The following EYA1 variants were observed in gnomAD, a reference collection of about 807,000 sequenced individuals.
The protein encoded by EYA1 is EYA transcriptional coactivator and phosphatase 1.
Under a neutral mutation model 82.0 loss-of-function variants are expected in EYA1, and 16 were observed. The observed-to-expected ratio is 0.20, with a 90% confidence interval of 0.13 to 0.30. The LOEUF is 0.30. Among genes scored for constraint, EYA1 ranks in the 10% least tolerant of loss-of-function variants. The pLI is 1.00. For synonymous variants in EYA1, 261 were observed against 264.4 expected (o/e 0.99, Z 0.12); for missense variants, 633 against 730.7 (o/e 0.87, Z 1.54).
intron 2 of EYA1, among the ~76,000 whole-genome samples, chr8:71,390,403 C>T (rs1829211335): frequency 6.6e-6 from 1 of 151,864 alleles, no homozygotes; most frequent in South Asian, 2.1e-4. Context: ...ACTGTGACTA[C>T]AGGTATGTAC....
intron 2 of EYA1, among the ~76,000 whole-genome samples, chr8:71,409,922 A>G (rs1252237944): frequency 1.5e-5 from 2 of 136,052 alleles, no homozygotes; most frequent in Non-Finnish European, 3.2e-5. Context: ...ACACAACCAA[A>G]AAAGAGAATT....
intron 2 of EYA1, among the ~76,000 whole-genome samples, chr8:71,524,829 A>G (rs913534341): frequency 2.6e-5 from 4 of 152,210 alleles, no homozygotes; most frequent in African/African-American, 9.7e-5. Context: ...AAACCAATTA[A>G]ATAAAATCAG....
chr8:71,448,025 T>TTTTTTTTTTTTTTTTTGTAACGGAG (rs935912194), intron 2 of EYA1, among the ~76,000 whole-genome samples: 2 of 116,740 alleles, frequency 1.7e-5, no homozygotes, highest in East Asian at 3.4e-4. Context: ...TTTTTTTTTT[T>TTTTTTTTTTTTTTTTTGTAACGGAG]TCTCGCTCCG....
intron 2 of EYA1, among the ~76,000 whole-genome samples, chr8:71,492,011 T>C (rs1811032452): frequency 6.6e-6 from 1 of 152,134 alleles, no homozygotes; most frequent in African/African-American, 2.4e-5. Flanking sequence ...TTTATTTCAC[T>C]CTAGATGGCA....
intron 2 of EYA1, among the ~76,000 whole-genome samples, chr8:71,463,921 A>G (rs1471754822): frequency 1.3e-5 from 2 of 152,034 alleles, no homozygotes; most frequent in Admixed American, 6.6e-5. Flanking sequence ...CTTTAGTGTA[A>G]AAAACATTCC....
At chr8:71,504,840 C>T (rs150566942) in intron 2 of EYA1, among the ~76,000 whole-genome samples, 1 of 152,224 alleles carries the variant, frequency 6.6e-6, no homozygotes, top group African/African-American at 2.4e-5. Flanking sequence ...CTCCCTCTGC[C>T]CCCTAGGCTA....
intron 2 of EYA1, among the ~76,000 whole-genome samples, chr8:71,433,937 A>G (rs1805813122): frequency 6.6e-6 from 1 of 152,218 alleles, no homozygotes; most frequent in Non-Finnish European, 1.5e-5. Context: ...GGCAGTTAAG[A>G]GGCTACTTCA....
chr8:71,333,809 C>T (rs1001645597), intron 4 of EYA1, among the ~76,000 whole-genome samples: 2 of 152,096 alleles, frequency 1.3e-5, no homozygotes, highest in African/African-American at 2.4e-5. Flanking sequence ...GAGGAGTCAC[C>T]AGCACAGTAA....
chr8:71,410,852 C>T (rs1830552631), intron 2 of EYA1, among the ~76,000 whole-genome samples: 1 of 118,486 alleles, frequency 8.4e-6, no homozygotes, highest in East Asian at 2.6e-4. Context: ...CTACCAATGA[C>T]TTTCTTCACA....
upstream of EYA1, among the ~76,000 whole-genome samples, chr8:71,364,965 T>C (rs1047023096): frequency 7.6e-6 from 1 of 131,568 alleles, no homozygotes; most frequent in Non-Finnish European, 1.6e-5. Context: ...TATATATATA[T>C]ATATATATAT....
In EYA1 at chr8:71,211,184, C is replaced by G. The variant is rs766423472; in HGVS notation, c.1670G>C (p.Gly557Ala). Reference protein sequence around the residue: ...RKVVYVVIGDGVEEEQGAKKH... With the variant: ...RKVVYVVIGDAVEEEQGAKKH... ...TTTTGCTCCTTGTTCTTCTTCTACA[C>G]CATCTCCTATAACAACATACACCAC... The change falls in exon 17 of 18, where the codon GGT becomes GCT. Residue 557 changes from glycine (G) to alanine (A), a missense_variant. Coordinates refer to ENST00000340726, the MANE Select transcript of EYA1 (RefSeq NM_000503.6). The G allele has an allele frequency of 1.9e-5, 30 of 1,612,914 alleles. No individual in the cohort carries two copies. The highest frequency in any genetic ancestry group is 2.4e-5 in the Non-Finnish European group (28 of 1,179,088).
chr8:71,535,235 C>T (rs1814624200), intron 2 of EYA1, among the ~76,000 whole-genome samples: 2 of 152,164 alleles, frequency 1.3e-5, no homozygotes, highest in African/African-American at 4.8e-5. Flanking sequence ...TTCTCTTCTG[C>T]TCACAAATCA....
intron 2 of EYA1, among the ~76,000 whole-genome samples, chr8:71,451,625 C>T (rs1272873051): frequency 2.0e-5 from 3 of 151,986 alleles, no homozygotes; most frequent in Non-Finnish European, 2.9e-5. Flanking sequence ...ATATCTTTAC[C>T]TTTACCACAG....
At chr8:71,472,787 A>C (rs1563647772) in intron 2 of EYA1, among the ~76,000 whole-genome samples, 1 of 89,428 alleles carries the variant, frequency 1.1e-5, no homozygotes, top group Non-Finnish European at 2.4e-5. Flanking sequence ...GTAGCTTTGA[A>C]GATATATATA....
intron 2 of EYA1, among the ~76,000 whole-genome samples, chr8:71,459,870 AAATT>A (rs1337499394): frequency 3.3e-5 from 5 of 149,954 alleles, no homozygotes; most frequent in Non-Finnish European, 4.5e-5. Context: ...TTTAGTAAAT[AAATT>A]AATATTTCAA....
chr8:71,467,787 A>G (rs891356862), intron 2 of EYA1, among the ~76,000 whole-genome samples: 16 of 152,190 alleles, frequency 1.1e-4, no homozygotes, highest in Non-Finnish European at 1.5e-5. Context: ...TAATAGGCTG[A>G]TAATAATGAT....
At chr8:71,464,904 AC>A (rs1808665777) in intron 2 of EYA1, among the ~76,000 whole-genome samples, 1 of 152,178 alleles carries the variant, frequency 6.6e-6, no homozygotes, top group South Asian at 2.1e-4. Context: ...TCTGAACATT[AC>A]TGCCTATTTT....
chr8:71,481,663 G>C (rs1418677462), intron 2 of EYA1, among the ~76,000 whole-genome samples: 6 of 152,182 alleles, frequency 3.9e-5, no homozygotes, highest in African/African-American at 1.2e-4. Flanking sequence ...TGTAAAGCAA[G>C]TTAATCAACA....
Position 71,215,762 on chromosome 8 carries a change from C to T in EYA1, c.1361-34G>A, listed in dbSNP as rs774803914. ...TTAAAAGCACATGATGAACTACTTC[C>T]TGACCAACATATTTCTTCGGCTTTG... On this transcript the variant is annotated intron_variant, in intron 14 of 17. Coordinates refer to ENST00000340726, the MANE Select transcript of EYA1 (RefSeq NM_000503.6). 7 of 1,394,350 alleles carry T rather than the reference C, an allele frequency of 5.0e-6. No individual in the cohort carries two copies. The Admixed American group carries it at 1.2e-4, about 23-fold the overall frequency. The allele number at this position is 1,394,350 out of a possible 1,614,324, so 86.4% of individuals were successfully genotyped here. A position where few individuals can be genotyped will look rare whatever the true frequency, so the allele number is the denominator to read the frequency against.
Sources: gnomAD v4.1 joint callset for allele counts (sites outside exome capture counted in the v4.1 genomes callset) on GRCh38, gnomAD v4.1.1 for gene constraint, MANE v1.5 for transcripts, NCBI Gene and HGNC (gene_info 2026-07-23, HGNC 2026-07-21) for gene names.